The following NEFH variants were observed in gnomAD, a reference collection of about 807,000 sequenced individuals.
The protein encoded by NEFH is neurofilament heavy chain, also known as neurofilament heavy polypeptide.
Under a neutral mutation model 56.6 loss-of-function variants are expected in NEFH, and 58 were observed. The ratio of observed to expected loss-of-function variants is 1.03; its 90% CI spans 0.83 to 1.28. The LOEUF is 1.28. NEFH is among the 50% of genes most tolerant of loss of function. NEFH has a pLI of 0.00. For synonymous variants in NEFH, 542 were observed against 545.8 expected, an observed-to-expected ratio of 0.99 and a Z score of 0.10; for missense variants, 1,221 against 1,307.6, an observed-to-expected ratio of 0.93 and a Z score of 1.02.
At position 29,480,805 on chromosome 22, in the gene NEFH, G is replaced by A; in HGVS notation, c.543G>A (p.Val181=). The change falls in exon 1 of 4, where the codon GTG becomes GTA. Residue 181 remains valine, a synonymous_variant. Coordinates refer to ENST00000310624, the MANE Select transcript of NEFH (RefSeq NM_021076.4). The part of the protein sequence containing the change: ...QEHLLEDIAH[V]RQRLDDEARQ... ...ACCTGCTCGAGGACATCGCGCACGT[G>A]CGCCAGCGCCTAGACGACGAGGCCC... The A allele has an allele frequency of 7.1e-7, 1 of 1,405,300 alleles. No homozygotes were observed. The highest frequency in any genetic ancestry group is 9.2e-7 in the Non-Finnish European group (1 of 1,091,030). The allele number at this position is 1,405,300 out of a possible 1,614,324, so 87.1% of individuals were successfully genotyped here. A position where few individuals can be genotyped will look rare whatever the true frequency, so the allele number is the denominator to read the frequency against.
rs1487702015 is a variant in NEFH, at chr22:29,481,109, G to A, written c.847G>A (p.Val283Met). ...TCGCGCGCAGCTTGAAGGCCACGCG[G>A]TGCAGAGCACGCTGCAGTCCGAGGA... is the stretch of plus-strand genomic sequence containing the variant. ...EIRAQLEGHA[V>M]QSTLQSEEWF... is the part of the protein sequence containing the mutation. Residue 283 changes from valine (V) to methionine (M), a missense_variant, in exon 1 of 4, where the codon GTG becomes ATG. Physicochemically the swap from Val to Met is conservative, Grantham distance 21. Coordinates refer to ENST00000310624, the MANE Select transcript of NEFH (RefSeq NM_021076.4). 2 of 1,532,048 alleles carry A rather than the reference G, an allele frequency of 1.3e-6. No homozygotes were observed. The highest frequency in any genetic ancestry group is 1.2e-5 in the South Asian group (1 of 83,930). 94.9% of individuals were successfully genotyped at this position (1,532,048 alleles called of 1,614,324 possible).
Position 29,480,925 on chromosome 22 carries a change from GGC to G in NEFH, c.666_667del (p.Leu223AlafsTer56). ...GCGTGGACCTGCAGAAGAAGGCGCA[GGC>G]GCTGCAGGAGGAGTGCGGCTACCTG... ...ARVDLQKKAQ[A>X]LQEECGYLRR... is the part of the protein sequence containing the mutation. On this transcript the variant is annotated frameshift_variant, in exon 1 of 4. Transcript: ENST00000310624. LOFTEE classifies it high-confidence loss of function. The G allele has an allele frequency of 1.3e-6, 2 of 1,519,458 alleles. No homozygotes were observed. The highest frequency in any genetic ancestry group is 1.8e-6 in the Non-Finnish European group (2 of 1,141,054). 94.1% of individuals were successfully genotyped at this position (1,519,458 alleles called of 1,614,324 possible).
At chr22:29,484,406 A>G (rs1329727423) in intron 2 of NEFH, among the ~76,000 whole-genome samples, 2 of 151,856 alleles carry the variant, frequency 1.3e-5, no homozygotes, top group Non-Finnish European at 2.9e-5. Flanking sequence ...TTAGGAGGCC[A>G]AGGCGGGTGG....
chr22:29,480,735 T>A lies in NEFH; in HGVS notation c.473T>A (p.Leu158Gln). 6.8e-7 allele frequency: 1 copy of A among 1,462,108 alleles called. No individual in the cohort carries two copies. Among genetic ancestry groups the A allele is most frequent in the South Asian group, 1.4e-5 (1 of 73,580 alleles). 90.6% of individuals were successfully genotyped at this position (1,462,108 alleles called of 1,614,324 possible). A position where few individuals can be genotyped will look rare whatever the true frequency, so the allele number is the denominator to read the frequency against. Residue 158 changes from leucine to glutamine, a missense_variant, in exon 1 of 4, where the codon CTG becomes CAG. By Grantham distance (113) the Leu-to-Gln change is moderately radical. Transcript: ENST00000310624. ...REVREMRGAV[L>Q]RLGAARGQLR... ...GTCCGCGAGATGCGCGGCGCGGTGC[T>A]GCGCCTGGGCGCGGCGCGCGGTCAG...
chr22:29,480,881 C>T lies in NEFH; in HGVS notation c.619C>T (p.Gln207Ter). 7.0e-7 allele frequency: 1 copy of T among 1,433,702 alleles called. No homozygotes were observed. The highest frequency in any genetic ancestry group is 9.0e-7 in the Non-Finnish European group (1 of 1,106,302). The allele number at this position is 1,433,702 out of a possible 1,614,324, so 88.8% of individuals were successfully genotyped here. The change falls in exon 1 of 4, where the codon CAG (glutamine) becomes TAG (stop). Residue 207 changes from glutamine to a stop codon, truncating the protein, a stop_gained. Coordinates refer to ENST00000310624, the MANE Select transcript of NEFH (RefSeq NM_021076.4). LOFTEE classifies it high-confidence loss of function. ...AAARALARFA[Q>*]EAEAARVDLQ... ...GGCCCGCGCGCTGGCGCGCTTCGCG[C>T]AGGAGGCCGAGGCGGCGCGCGTGGA...
At chr22:29,485,212 C>G (rs567956038) in intron 2 of NEFH, among the ~76,000 whole-genome samples, 1 of 152,166 alleles carries the variant, frequency 6.6e-6, no homozygotes, top group Non-Finnish European at 1.5e-5. Flanking sequence ...AAGCAATTCT[C>G]CTGTCTCAGC....
chr22:29,489,561 C>T lies in NEFH; in HGVS notation c.1921C>T (p.Pro641Ser), dbSNP rs147399944. 2.9e-6 allele frequency: 3 copies of T among 1,020,794 alleles called. No individual in the cohort carries two copies. Among genetic ancestry groups the T allele is most frequent in the South Asian group, 2.9e-5 (2 of 69,708 alleles). The allele number at this position is 1,020,794 out of a possible 1,614,324, so 63.2% of individuals were successfully genotyped here. Residue 641 changes from proline to serine, a missense_variant, in exon 4 of 4, where the codon CCA becomes TCA. Transcript: ENST00000310624. Reference sequence around the variant, plus strand: ...CAAGTCCCCGGAAAAGGCCAAGTCTCCAACGAAGGAGGAAGCAAAGTCCCC... The same window carrying T: ...CAAGTCCCCGGAAAAGGCCAAGTCTTCAACGAAGGAGGAAGCAAAGTCCCC... ...EVKSPEKAKS[P>S]TKEEAKSPEK...
In NEFH at chr22:29,480,956, C is replaced by G; in HGVS notation, c.694C>G (p.Arg232Gly). ...GCAGGAGGAGTGCGGCTACCTGCGG[C>G]GCCACCACCAGGAAGAGGTGGGCGA... ...ALQEECGYLR[R>G]HHQEEVGELL... Residue 232 changes from arginine (R) to glycine (G), a missense_variant, in exon 1 of 4, where the codon CGC becomes GGC. Around this residue, in one of 4 missense-constraint regions of NEFH, gnomAD observed 640 missense variants for 555.5 expected, o/e 1.15. Coordinates refer to ENST00000310624, the MANE Select transcript of NEFH (RefSeq NM_021076.4). 1.3e-6 allele frequency: 2 copies of G among 1,530,352 alleles called. No homozygotes were observed. Among genetic ancestry groups the G allele is most frequent in the Non-Finnish European group, 1.7e-6 (2 of 1,145,120 alleles). 94.8% of individuals were successfully genotyped at this position (1,530,352 alleles called of 1,614,324 possible). A position where few individuals can be genotyped will look rare whatever the true frequency, so the allele number is the denominator to read the frequency against.
At position 29,489,481 on chromosome 22, in the gene NEFH, C is replaced by T. The variant is rs1569197619; in HGVS notation, c.1841C>T (p.Ser614Leu). The change falls in exon 4 of 4, where the codon TCA (serine) becomes TTA (leucine). Residue 614 changes from serine to leucine, a missense_variant. This residue lies in a region of NEFH where 243 missense variants were observed against 299.1 expected (regional missense o/e 0.81). Coordinates refer to ENST00000310624, the MANE Select transcript of NEFH (RefSeq NM_021076.4). ...TCCCCAGTGAAGGAAGAAGCAAAGTCACCGGCTGAGGCCAAGTCCCCAGTG... is the reference window on the plus strand; with the variant it reads ...TCCCCAGTGAAGGAAGAAGCAAAGTTACCGGCTGAGGCCAAGTCCCCAGTG... ...AKSPVKEEAK[S>L]PAEAKSPVKE... 6.3e-7 allele frequency: 1 copy of T among 1,599,292 alleles called. No homozygotes were observed. The highest frequency in any genetic ancestry group is 8.5e-7 in the Non-Finnish European group (1 of 1,169,606).
chr22:29,485,108 T>TTACAGGCATGAA (rs2063036512), intron 2 of NEFH, among the ~76,000 whole-genome samples: 1 of 151,990 alleles, frequency 6.6e-6, no homozygotes, highest in South Asian at 2.1e-4. Context: ...AATGCTGGGA[T>TTACAGGCATGAA]TACAGGCATG....
At chr22:29,486,709 G>A (rs1215652160) in intron 3 of NEFH, among the ~76,000 whole-genome samples, 1 of 151,546 alleles carries the variant, frequency 6.6e-6, no homozygotes, top group African/African-American at 2.4e-5. Flanking sequence ...TTTTAGTAGA[G>A]ACTGGGTCTC....
chr22:29,482,019 CTT>C (rs1341072419), intron 1 of NEFH, among the ~76,000 whole-genome samples: 3 of 152,180 alleles, frequency 2.0e-5, no homozygotes, highest in African/African-American at 7.2e-5. Flanking sequence ...GTCTGTAAAA[CTT>C]TGCGTTGTTT....
Position 29,481,060 on chromosome 22 carries a change from C to T in NEFH, c.798C>T (p.Asp266=), listed in dbSNP as rs571252099. 7.2e-6 allele frequency: 11 copies of T among 1,531,952 alleles called. No homozygotes were observed. The South Asian group carries it at 1.1e-4, about 15-fold the overall frequency. 94.9% of individuals were successfully genotyped at this position (1,531,952 alleles called of 1,614,324 possible). Residue 266 remains aspartate (D), a synonymous_variant, in exon 1 of 4, where the codon GAC becomes GAT. Coordinates refer to ENST00000310624, the MANE Select transcript of NEFH (RefSeq NM_021076.4). Reference sequence around the variant, plus strand: ...AGACGCGCGACGCCCTGAAGTGCGACGTGACGTCGGCGCTGCGCGAGATTC... The same window carrying T: ...AGACGCGCGACGCCCTGAAGTGCGATGTGACGTCGGCGCTGCGCGAGATTC... ...QAETRDALKC[D]VTSALREIRA...
intron 1 of NEFH, among the ~76,000 whole-genome samples, chr22:29,482,368 A>C (rs982281471): frequency 2.0e-5 from 3 of 152,176 alleles, no homozygotes; most frequent in Non-Finnish European, 4.4e-5. Flanking sequence ...CTGGGGATTC[A>C]GGATGTTCAC....
At chr22:29,487,873 T>C (rs2063053214) in intron 3 of NEFH, among the ~76,000 whole-genome samples, 1 of 152,182 alleles carries the variant, frequency 6.6e-6, no homozygotes, top group Non-Finnish European at 1.5e-5. Context: ...ACCCTCTTTT[T>C]CCAGTGAGGA....
At position 29,488,845 on chromosome 22, in the gene NEFH, G is replaced by A; in HGVS notation, c.1209-4G>A. The A allele has an allele frequency of 6.2e-7, 1 of 1,614,128 alleles. No homozygotes were observed. The highest frequency in any genetic ancestry group is 8.5e-7 in the Non-Finnish European group (1 of 1,179,982). ...ACTAATGTGTTCCGTGATCCATCCT[G>A]CAGAAAACTCCTGGAAGGTGAAGAG... On this transcript the variant is annotated splice_region_variant and splice_polypyrimidine_tract_variant and intron_variant, in intron 3 of 3. Transcript: ENST00000310624.
chr22:29,486,283 C>T (rs2063043771), intron 3 of NEFH, among the ~76,000 whole-genome samples: 1 of 151,980 alleles, frequency 6.6e-6, no homozygotes, highest in Non-Finnish European at 1.5e-5. Flanking sequence ...CCTCAGCCTC[C>T]CAAAGTCCTG....
chr22:29,480,545 C>A lies in NEFH; in HGVS notation c.283C>A (p.Arg95Ser), dbSNP rs538695781. 1.3e-6 allele frequency: 2 copies of A among 1,539,084 alleles called. No individual in the cohort carries two copies. The highest frequency in any genetic ancestry group is 3.9e-5 in the Admixed American group (2 of 51,172). ...EGCMVAVATS[R>S]SEKEQLQALN... ...CTGCATGGTGGCGGTGGCCACCTCA[C>A]GCAGTGAGAAGGAGCAGCTGCAGGC... The change falls in exon 1 of 4, where the codon CGC (arginine) becomes AGC (serine). Residue 95 changes from arginine to serine, a missense_variant. By Grantham distance (110) the Arg-to-Ser change is moderately radical. Around this residue, in one of 4 missense-constraint regions of NEFH, gnomAD observed 640 missense variants for 555.5 expected, o/e 1.15. Coordinates refer to ENST00000310624, the MANE Select transcript of NEFH (RefSeq NM_021076.4).
In NEFH at chr22:29,489,279, C is replaced by T; in HGVS notation, c.1639C>T (p.Pro547Ser). Residue 547 changes from proline to serine, a missense_variant, in exon 4 of 4, where the codon CCT (proline) becomes TCT (serine). Transcript: ENST00000310624. ...EAKSPAEVKS[P>S]EKAKSPAKEE... Reference sequence around the variant, plus strand: ...AAAATCCCCAGCCGAAGTCAAGTCCCCTGAGAAGGCCAAGTCTCCAGCAAA... The same window carrying T: ...AAAATCCCCAGCCGAAGTCAAGTCCTCTGAGAAGGCCAAGTCTCCAGCAAA... 2 of 1,613,758 alleles carry T rather than the reference C, an allele frequency of 1.2e-6. No homozygotes were observed. The highest frequency in any genetic ancestry group is 1.7e-6 in the Non-Finnish European group (2 of 1,179,960).
Sources: gnomAD v4.1 joint callset for allele counts (sites outside exome capture counted in the v4.1 genomes callset) on GRCh38, gnomAD v4.1.1 for gene constraint, gnomAD v4.1.1 regional missense constraint, MANE v1.5 for transcripts, NCBI Gene and HGNC (gene_info 2026-07-23, HGNC 2026-07-21) for gene names.